Variants in TEKT2 observed in about 807,000 individuals in gnomAD.
TEKT2 encodes the protein tektin-2.
In TEKT2, 45 loss-of-function variants were observed where a neutral mutation model predicts 49.8. The observed-to-expected ratio is 0.90, with a 90% CI of 0.71 to 1.16. The LOEUF (loss-of-function observed/expected upper bound fraction) is 1.16. TEKT2 is among the 50% of genes most tolerant of loss of function. TEKT2 has a pLI of 0.00. For missense variants in TEKT2, 523 were observed against 551.4 expected (o/e 0.95, Z 0.52); for synonymous variants, 202 against 224.6 (o/e 0.90, Z 0.90).
Position 36,087,646 on chromosome 1 carries a change from G to A in TEKT2, c.999+64G>A. 6.2e-7 allele frequency: 1 copy of A among 1,612,614 alleles called. No individual in the cohort carries two copies. The highest frequency in any genetic ancestry group is 8.5e-7 in the Non-Finnish European group (1 of 1,179,518). On this transcript the variant is annotated intron_variant, in intron 8 of 9. Coordinates refer to ENST00000207457, the MANE Select transcript of TEKT2 (RefSeq NM_014466.3). This position sits in a 1 kb window ranked among gnomAD's most constrained non-coding sequence, Gnocchi z 4.9. ...AAGGTTTTCTCATATTCCTGATGGA[G>A]CAAGGGCACTGCTGTCAAGGGGCAG...
rs1186257980 is a variant in TEKT2, at chr1:36,087,130, G to A, written c.748-74G>A. ...TTCCCTGCTGTGCATGTGGCCCCCT[G>A]CCCCTCGCTTGAGTAATATCCTCAG... On this transcript the variant is annotated intron_variant, in intron 6 of 9. Coordinates refer to ENST00000207457, the MANE Select transcript of TEKT2 (RefSeq NM_014466.3). This position sits in a 1 kb window ranked among gnomAD's most constrained non-coding sequence, Gnocchi z 4.9. The A allele has an allele frequency of 2.5e-6, 4 of 1,605,410 alleles. No homozygotes were observed. The African/African-American group carries it at 4.0e-5, about 16-fold the overall frequency.
At position 36,087,397 on chromosome 1, in the gene TEKT2, G is replaced by C; in HGVS notation, c.856-42G>C. ...AGGAGGCACTGGACCAGGCATGCAC[G>C]TGAGTCCAGCAGGTGGAAACCAGTC... is the stretch of plus-strand genomic sequence containing the variant. On this transcript the variant is annotated intron_variant, in intron 7 of 9. Transcript: ENST00000207457. This position sits in a 1 kb window ranked among gnomAD's most constrained non-coding sequence, Gnocchi z 4.9. The C allele has an allele frequency of 1.2e-6, 2 of 1,613,872 alleles. No homozygotes were observed. Among genetic ancestry groups the C allele is most frequent in the South Asian group, 2.2e-5 (2 of 91,084 alleles).
rs775728634 is a variant in TEKT2 at position 36,087,017 on chromosome 1, G to A, written c.719G>A (p.Arg240Lys). The change falls in exon 6 of 10, where the codon AGG becomes AAG. Residue 240 changes from arginine (R) to lysine (K), a missense_variant. Transcript: ENST00000207457. The surrounding 1 kb of genome is among the most constrained non-coding windows in gnomAD (Gnocchi z 4.9). ...GAGATGAAGGCAGCCACAGAGCTGAGGGAGGCCACTGCTCTAACTATTGCT... is the reference window on the plus strand; with the variant it reads ...GAGATGAAGGCAGCCACAGAGCTGAAGGAGGCCACTGCTCTAACTATTGCT... The part of the protein sequence containing the change: ...EAEMKAATEL[R>K]EATALTIAET... 14 of 1,614,028 alleles carry A rather than the reference G, an allele frequency of 8.7e-6. No individual in the cohort carries two copies. In the African/African-American group the frequency reaches 1.5e-4, roughly 17 times the overall value.
At position 36,084,852 on chromosome 1, in the gene TEKT2, AGTG is replaced by A. The variant is rs760866741; in HGVS notation, c.-52-17_-52-15del. On this transcript the variant is annotated splice_polypyrimidine_tract_variant and intron_variant, in intron 1 of 9. Transcript: ENST00000207457. The surrounding 1 kb of genome is among the most constrained non-coding windows in gnomAD (Gnocchi z 4.1). ...GGTCTCCGGAAAGGTCTCCCGCAGC[AGTG>A]TTTTCCCTCTGCAGGTGGTGTCTGT... 9.3e-6 allele frequency: 15 copies of A among 1,607,990 alleles called. No homozygotes were observed. The highest frequency in any genetic ancestry group is 1.3e-5 in the African/African-American group (1 of 74,788).
chr1:36,084,367 G>T lies in TEKT2; in HGVS notation c.-53+218G>T, dbSNP rs917063038. ...GAGGGCGTGGCGGCTACCAGACGGG[G>T]AGGGGGCCGCCCCGGGGGCCGCCCC... is the stretch of plus-strand genomic sequence containing the variant. On this transcript the variant is annotated intron_variant, in intron 1 of 9. Transcript: ENST00000207457. This position sits in a 1 kb window ranked among gnomAD's most constrained non-coding sequence, Gnocchi z 4.1. The T allele has an allele frequency of 2.5e-5, 4 of 158,146 alleles. No homozygotes were observed. Among genetic ancestry groups the T allele is most frequent in the African/African-American group, 9.7e-5 (4 of 41,292 alleles). 9.8% of individuals were successfully genotyped at this position (158,146 alleles called of 1,614,324 possible). A position where few individuals can be genotyped will look rare whatever the true frequency, so the allele number is the denominator to read the frequency against.
chr1:36,085,502 C>CTTTTTTTTTTTT (rs1557729258), intron 3 of TEKT2, among the ~76,000 whole-genome samples: 5 of 131,402 alleles, frequency 3.8e-5, no homozygotes, highest in African/African-American at 1.5e-4. Context: ...TTCTTTCTTT[C>CTTTTTTTTTTTT]TTTTCTTTTT....
In TEKT2 at chr1:36,085,250, C is replaced by CT; in HGVS notation, c.245dup (p.Thr83AspfsTer33). 1 of 1,614,160 alleles carries CT rather than the reference C, an allele frequency of 6.2e-7. No individual in the cohort carries two copies. ...GTGGAAGGAGATGCTGGACAAGTGT[C>CT]TGACAGATTTAGATGCCGAGATCGA... is the stretch of plus-strand genomic sequence containing the variant. On this transcript the variant is annotated frameshift_variant, in exon 3 of 10. Coordinates refer to ENST00000207457, the MANE Select transcript of TEKT2 (RefSeq NM_014466.3). LOFTEE classifies it high-confidence loss of function.
chr1:36,087,684 G>C lies in TEKT2; in HGVS notation c.1000-44G>C. The stretch of plus-strand genomic sequence containing the variant: ...TGTCAAGGGGCAGCACTCAGGTAAA[G>C]GACAGTGTGGCTGACTTGGAACTCC... On this transcript the variant is annotated intron_variant, in intron 8 of 9. Transcript: ENST00000207457. The surrounding 1 kb of genome is among the most constrained non-coding windows in gnomAD (Gnocchi z 4.9). The C allele has an allele frequency of 3.7e-6, 6 of 1,612,628 alleles. No homozygotes were observed. Among genetic ancestry groups the C allele is most frequent in the Non-Finnish European group, 5.1e-6 (6 of 1,179,494 alleles).
At chr1:36,086,624 C>G in intron 4 of TEKT2, 80 bp from the exon 5 acceptor site, 1 of 1,591,062 alleles carries the variant, frequency 6.3e-7, no homozygotes, top group Admixed American at 1.7e-5. Context: ...GCCTCCTCTT[C>G]CTGTGGTGTC....
In TEKT2 at chr1:36,087,054, C is replaced by G; in HGVS notation, c.747+9C>G. ...CTCTAACTATTGCTGAGGTGACAGG[C>G]CACCCACAGCTAATGGATGGTCCCA... On this transcript the variant is annotated intron_variant, in intron 6 of 9. Coordinates refer to ENST00000207457, the MANE Select transcript of TEKT2 (RefSeq NM_014466.3). The surrounding 1 kb of genome is among the most constrained non-coding windows in gnomAD (Gnocchi z 4.9). 1 of 1,612,822 alleles carries G rather than the reference C, an allele frequency of 6.2e-7. No homozygotes were observed. The highest frequency in any genetic ancestry group is 8.5e-7 in the Non-Finnish European group (1 of 1,179,102).
At position 36,086,782 on chromosome 1, in the gene TEKT2, T is replaced by A. The variant is rs756585385; in HGVS notation, c.567T>A (p.Cys189Ter). ...AGACACTAGAGATCGACAGAGGCTG[T>A]CTCTCTCTCAACCTCAGATCCCCAA... ...KMETLEIDRG[C>*]LSLNLRSPNI... Residue 189 changes from cysteine (C) to a stop codon, truncating the protein, a stop_gained, in exon 5 of 10, where the codon TGT (cysteine) becomes TGA (stop). Transcript: ENST00000207457. LOFTEE classifies it high-confidence loss of function. 4.2e-5 allele frequency: 67 copies of A among 1,613,900 alleles called. No individual in the cohort carries two copies. Among genetic ancestry groups the A allele is most frequent in the Non-Finnish European group, 5.5e-5 (65 of 1,180,000 alleles).
chr1:36,084,821 C>A lies in TEKT2; in HGVS notation c.-52-49C>A, dbSNP rs1643340545. 4 of 1,567,980 alleles carry A rather than the reference C, an allele frequency of 2.6e-6. No individual in the cohort carries two copies. The highest frequency in any genetic ancestry group is 1.1e-5 in the South Asian group (1 of 89,340). ...AAGTCCTGCGCAGGGGGCGTGTGAT[C>A]CAGGAGGTCTCCGGAAAGGTCTCCC... is the stretch of plus-strand genomic sequence containing the variant. On this transcript the variant is annotated intron_variant, in intron 1 of 9. Coordinates refer to ENST00000207457, the MANE Select transcript of TEKT2 (RefSeq NM_014466.3). The surrounding 1 kb of genome is among the most constrained non-coding windows in gnomAD (Gnocchi z 4.1).
intron 4 of TEKT2, 46 bp from the exon 5 acceptor site, chr1:36,086,658 T>A (rs1158930791): frequency 1.2e-6 from 2 of 1,613,664 alleles, no homozygotes; most frequent in Non-Finnish European, 8.5e-7. Context: ...GAGGCCTGCC[T>A]CTGGCCCTTG....
rs753416240 is a variant in TEKT2 at position 36,087,635 on chromosome 1, T to C, written c.999+53T>C. 281 of 1,613,034 alleles carry C rather than the reference T, an allele frequency of 1.7e-4. No individual in the cohort carries two copies. Among genetic ancestry groups the C allele is most frequent in the Non-Finnish European group, 2.2e-4 (260 of 1,179,812 alleles). On this transcript the variant is annotated intron_variant, in intron 8 of 9. Coordinates refer to ENST00000207457, the MANE Select transcript of TEKT2 (RefSeq NM_014466.3). This position sits in a 1 kb window ranked among gnomAD's most constrained non-coding sequence, Gnocchi z 4.9. ...GCCCCCTAGCCAAGGTTTTCTCATA[T>C]TCCTGATGGAGCAAGGGCACTGCTG...
At chr1:36,086,388 C>A (rs1389345674) in intron 4 of TEKT2, among the ~76,000 whole-genome samples, 1 of 152,106 alleles carries the variant, frequency 6.6e-6, no homozygotes, top group African/African-American at 2.4e-5. Context: ...GTATAGGGCT[C>A]ATGGGGGTCA....
In TEKT2 at chr1:36,087,107, C is replaced by T; in HGVS notation, c.747+62C>T. The stretch of plus-strand genomic sequence containing the variant: ...GTGCGCTCAGCCCTTATCTTCTGTT[C>T]CCTGCTGTGCATGTGGCCCCCTGCC... On this transcript the variant is annotated intron_variant, in intron 6 of 9. Transcript: ENST00000207457. The surrounding 1 kb of genome is among the most constrained non-coding windows in gnomAD (Gnocchi z 4.9). The T allele has an allele frequency of 1.9e-6, 3 of 1,604,688 alleles. No homozygotes were observed. The South Asian group carries it at 3.3e-5, about 18-fold the overall frequency.
chr1:36,085,728 C>T lies in TEKT2; in HGVS notation c.283-108C>T, dbSNP rs997295373. 5.2e-6 allele frequency: 6 copies of T among 1,145,798 alleles called. No individual in the cohort carries two copies. In the African/African-American group the frequency reaches 9.2e-5, roughly 18 times the overall value. The allele number at this position is 1,145,798 out of a possible 1,614,324, so 71.0% of individuals were successfully genotyped here. On this transcript the variant is annotated intron_variant, in intron 3 of 9. Coordinates refer to ENST00000207457, the MANE Select transcript of TEKT2 (RefSeq NM_014466.3). ...AGAGACGGGGTTTCACCATTTTGGC[C>T]AGGCTGTTCTCGAACTCCTGACCTC... is the stretch of plus-strand genomic sequence containing the variant.
chr1:36,087,278 A>G lies in TEKT2; in HGVS notation c.822A>G (p.Lys274=). The G allele has an allele frequency of 6.2e-7, 1 of 1,614,134 alleles. No homozygotes were observed. Among genetic ancestry groups the G allele is most frequent in the Non-Finnish European group, 8.5e-7 (1 of 1,180,038 alleles). ...AFRKRLREME[K]VYSELKWQEK... Reference sequence around the variant, plus strand: ...GGAAGCGGCTGCGGGAGATGGAGAAAGTGTACAGTGAGCTCAAGTGGCAAG... The same window carrying G: ...GGAAGCGGCTGCGGGAGATGGAGAAGGTGTACAGTGAGCTCAAGTGGCAAG... The change falls in exon 7 of 10, where the codon AAA becomes AAG. Residue 274 remains lysine, a synonymous_variant. Transcript: ENST00000207457. The surrounding 1 kb of genome is among the most constrained non-coding windows in gnomAD (Gnocchi z 4.9).
At chr1:36,086,589 T>C in intron 4 of TEKT2, 115 bp from the exon 5 acceptor site, 1 of 1,386,698 alleles carries the variant, frequency 7.2e-7, no homozygotes, top group Non-Finnish European at 1.0e-6. Flanking sequence ...AGCTCCATTG[T>C]CTTCTGCTGG....
Sources: gnomAD v4.1 joint callset for allele counts (sites outside exome capture counted in the v4.1 genomes callset) on GRCh38, gnomAD v4.1.1 for gene constraint, Gnocchi (gnomAD v3.1) non-coding constraint, MANE v1.5 for transcripts, NCBI Gene and HGNC (gene_info 2026-07-23, HGNC 2026-07-21) for gene names.